The following FARP2 variants were observed in gnomAD, a reference collection of about 807,000 sequenced individuals.
The protein encoded by FARP2 is FERM, ARHGEF and pleckstrin domain-containing protein 2.
In FARP2, 111 loss-of-function variants were observed where a neutral mutation model predicts 130.5. That is an observed-to-expected ratio of 0.85 (90% confidence interval 0.73 to 1.00). The LOEUF is 1.00. Among genes scored for constraint, FARP2 ranks in the 50% least tolerant of loss-of-function variants. The pLI is 0.00. For missense variants in FARP2, 1,385 were observed against 1,346.3 expected, an observed-to-expected ratio of 1.03 and a Z score of -0.45; for synonymous variants, 504 against 516.9, an observed-to-expected ratio of 0.98 and a Z score of 0.34.
At chr2:241,472,148 C>G (rs2064337118) in intron 18 of FARP2, among the ~76,000 whole-genome samples, 2 of 149,138 alleles carry the variant, frequency 1.3e-5, no homozygotes, top group African/African-American at 2.5e-5. Context: ...GGACCCTGTT[C>G]TGAGGGGACC....
At chr2:241,481,056 C>CAAAA (rs34996407) in intron 19 of FARP2, among the ~76,000 whole-genome samples, 3 of 105,170 alleles carry the variant, frequency 2.9e-5, no homozygotes, top group African/African-American at 3.6e-5. Flanking sequence ...TTGTCTCTAC[C>CAAAA]AAAAAAAAAA....
chr2:241,448,345 C>CAACT (rs1375386666), intron 13 of FARP2, among the ~76,000 whole-genome samples: 4 of 152,254 alleles, frequency 2.6e-5, no homozygotes, highest in African/African-American at 7.2e-5. Context: ...TGTATGAGGT[C>CAACT]TATAAGTTGA....
At position 241,373,270 on chromosome 2, in the gene FARP2, A is replaced by C. The variant is rs771771150; in HGVS notation, c.163A>C (p.Met55Leu). ...CAGAGTAAAGCTGCTGGACAACACC[A>C]TGGAAATATTTGACATTGAGGTAAG... is the stretch of plus-strand genomic sequence containing the variant. ...HLRVKLLDNT[M>L]EIFDIEPKCD... The change falls in exon 2 of 27, where the codon ATG (methionine) becomes CTG (leucine). Residue 55 changes from methionine to leucine, a missense_variant. Met to Leu is a conservative substitution (Grantham distance 15). Coordinates refer to ENST00000264042, the MANE Select transcript of FARP2 (RefSeq NM_014808.4). The C allele has an allele frequency of 1.3e-6, 2 of 1,488,988 alleles. No individual in the cohort carries two copies. The highest frequency in any genetic ancestry group is 2.7e-5 in the South Asian group (2 of 75,406). 92.2% of individuals were successfully genotyped at this position (1,488,988 alleles called of 1,614,324 possible).
At chr2:241,368,558 G>T (rs931840191) in intron 1 of FARP2, among the ~76,000 whole-genome samples, 1 of 152,138 alleles carries the variant, frequency 6.6e-6, no homozygotes, top group Non-Finnish European at 1.5e-5. Flanking sequence ...CTCCCGAGTA[G>T]CTGGGATTGA....
chr2:241,469,252 A>C (rs749460390), intron 18 of FARP2, among the ~76,000 whole-genome samples: 7 of 151,960 alleles, frequency 4.6e-5, no homozygotes, highest in Non-Finnish European at 1.0e-4. Flanking sequence ...ACACCCAGCT[A>C]ATTTTTGTAT....
At chr2:241,453,412 G>A (rs996880078) in intron 13 of FARP2, among the ~76,000 whole-genome samples, 3 of 151,904 alleles carry the variant, frequency 2.0e-5, no homozygotes, top group Non-Finnish European at 4.4e-5. Context: ...CACAAGGTCA[G>A]GAGATCGAGA....
chr2:241,393,269 C>T (rs1185460597), intron 2 of FARP2, among the ~76,000 whole-genome samples: 2 of 152,106 alleles, frequency 1.3e-5, no homozygotes, highest in Non-Finnish European at 2.9e-5. Flanking sequence ...ATCCACCCGC[C>T]TCGGTCTCCC....
At chr2:241,451,975 A>C (rs1192705148) in intron 13 of FARP2, among the ~76,000 whole-genome samples, 1 of 152,178 alleles carries the variant, frequency 6.6e-6, no homozygotes, top group Non-Finnish European at 1.5e-5. Context: ...GGCTTCTCTC[A>C]AACTCCTGAC....
At chr2:241,472,176 C>T (rs900269255) in intron 18 of FARP2, among the ~76,000 whole-genome samples, 13 of 148,214 alleles carry the variant, frequency 8.8e-5, no homozygotes, top group African/African-American at 3.2e-4. Context: ...TAGGGGGATC[C>T]TGTTCTGAGG....
At position 241,428,536 on chromosome 2, in the gene FARP2, G is replaced by C. The variant is rs114923583; in HGVS notation, c.772-3143G>C. 5.4e-3 allele frequency among the ~76,000 whole-genome samples: 823 copies of C among 152,010 alleles called. 13 individuals are homozygous for C. Among genetic ancestry groups the C allele is most frequent in the African/African-American group, 0.019 (770 of 41,442 alleles). ...TCAGTAGAAATTAGAACGACTTAGT[G>C]TTGGGGCAATATTTTGGGAACTAGG... On this transcript the variant is annotated intron_variant, in intron 8 of 26. Transcript: ENST00000264042.
chr2:241,402,847 T>TATATATATATATATATAC (rs2062210125), intron 2 of FARP2, among the ~76,000 whole-genome samples: 1 of 7,294 alleles, frequency 1.4e-4, no homozygotes, highest in East Asian at 3.0e-3. Flanking sequence ...TATATATATA[T>TATATATATATATATATAC]ATATATATAT....
At chr2:241,357,575 C>T (rs1251247000) in intron 1 of FARP2, among the ~76,000 whole-genome samples, 1 of 152,132 alleles carries the variant, frequency 6.6e-6, no homozygotes, top group African/African-American at 2.4e-5. Flanking sequence ...GTTGCACAGC[C>T]CCGTTTTAAA....
intron 22 of FARP2, among the ~76,000 whole-genome samples, chr2:241,490,582 T>C (rs1405144231): frequency 6.6e-6 from 1 of 152,156 alleles, no homozygotes; most frequent in African/African-American, 2.4e-5. Flanking sequence ...ACTGAGCTCA[T>C]TTGGCGGCCA....
At chr2:241,487,746 CTTTTTTTTTTT>C (rs1167750549) in intron 21 of FARP2, among the ~76,000 whole-genome samples, 1 of 73,232 alleles carries the variant, frequency 1.4e-5, no homozygotes, top group Admixed American at 2.4e-4. Flanking sequence ...CTAGCCTACT[CTTTTTTTTTTT>C]TTTTTTTTTT....
chr2:241,490,157 G>T, intron 22 of FARP2, 113 bp downstream of exon 22: 1 of 752,308 alleles, frequency 1.3e-6, no homozygotes, highest in Non-Finnish European at 2.3e-6. Flanking sequence ...GCCTCATGGG[G>T]TTGTGCCCCC....
intron 13 of FARP2, chr2:241,446,601 A>AT (rs774246416): frequency 1.3e-5 from 2 of 152,224 alleles, no homozygotes; most frequent in Non-Finnish European, 2.9e-5. Flanking sequence ...TTTGATGCCA[A>AT]TACATATGTC....
At chr2:241,376,247 A>G (rs904282074) in intron 2 of FARP2, among the ~76,000 whole-genome samples, 3 of 152,190 alleles carry the variant, frequency 2.0e-5, no homozygotes, top group Non-Finnish European at 4.4e-5. Context: ...TGGGCACTGC[A>G]GTGTCCTTTG....
chr2:241,430,598 GC>G (rs2063065985), intron 8 of FARP2, among the ~76,000 whole-genome samples: 1 of 152,114 alleles, frequency 6.6e-6, no homozygotes, highest in Non-Finnish European at 1.5e-5. Flanking sequence ...TCTACTCCCT[GC>G]CCTGCCTGGC....
intron 19 of FARP2, among the ~76,000 whole-genome samples, chr2:241,476,660 G>T (rs1274967174): frequency 6.6e-6 from 1 of 152,150 alleles, no homozygotes; most frequent in African/African-American, 2.4e-5. Context: ...TTGCACTCTA[G>T]CCTGGGTAAC....
Sources: allele counts gnomAD v4.1 joint callset (sites outside exome capture counted in the v4.1 genomes callset), GRCh38; gene constraint gnomAD v4.1.1; transcripts MANE v1.5; gene names NCBI Gene and HGNC (gene_info 2026-07-23, HGNC 2026-07-21).